PTPRS: variants seen among roughly 807,000 people sequenced by gnomAD.
The protein encoded by PTPRS is protein tyrosine phosphatase receptor type S, also known as receptor-type tyrosine-protein phosphatase S.
PTPRS carries 63 observed loss-of-function variants against 215.3 expected under a neutral mutation model. The observed-to-expected ratio is 0.29, with a 90% CI of 0.24 to 0.36. The LOEUF (loss-of-function observed/expected upper bound fraction) is 0.36, where lower values mean the gene tolerates loss of function less well. PTPRS is among the 10% of genes least tolerant of loss of function. PTPRS has a pLI of 1.00. For synonymous variants in PTPRS, 1,404 were observed against 1,191.4 expected (o/e 1.18, Z -3.68); for missense variants, 2,258 against 2,825.8 (o/e 0.80, Z 4.56).
In PTPRS at chr19:5,222,851, T is replaced by A. The variant is rs773355226; in HGVS notation, c.2941A>T (p.Thr981Ser). ...EAGALGPARE[T>S]ELPAAAEPGA... ...GGCTCAGCCGCTGCCGGCAGCTCAG[T>A]CTCTCGGGCAGGGCCCAGGGCACCG... is the stretch of plus-strand genomic sequence containing the variant. Residue 981 changes from threonine to serine, a missense_variant, in exon 18 of 38, where the codon ACT becomes TCT. Thr to Ser is a moderately conservative substitution (Grantham distance 58). Around this residue, in one of 6 missense-constraint regions of PTPRS, gnomAD observed 361 missense variants for 332.6 expected, o/e 1.09. Transcript: ENST00000262963. 3.1e-6 allele frequency: 5 copies of A among 1,592,470 alleles called. No homozygotes were observed. In the South Asian group the frequency reaches 5.5e-5, roughly 18 times the overall value.
chr19:5,252,574 CAAAA>C (rs56215560), intron 9 of PTPRS, among the ~76,000 whole-genome samples: 29 of 66,786 alleles, frequency 4.3e-4, no homozygotes, highest in Admixed American at 1.0e-3. Context: ...GAGATTCTGT[CAAAA>C]AAAAAAAAAA....
chr19:5,223,413 G>T, intron 17 of PTPRS, 116 bp from the exon 18 acceptor site: 1 of 1,263,140 alleles, frequency 7.9e-7, no homozygotes, highest in Non-Finnish European at 1.0e-6. Context: ...TTGAGTTGGG[G>T]GGGGTCTTAC....
In PTPRS at chr19:5,260,878, CG is replaced by C. The variant is rs2045941304; in HGVS notation, c.578-57del. The C allele has an allele frequency of 1.7e-5, 27 of 1,596,542 alleles. 1 individual carries two copies. In the Admixed American group the frequency reaches 2.7e-4, roughly 16 times the overall value. On this transcript the variant is annotated intron_variant, in intron 6 of 37. Transcript: ENST00000262963. ...TGTCACAAGGCGGTTGTTGGGGGGC[CG>C]GGGGGCCCCAGGGAAGCTGGGCTGG...
chr19:5,324,226 C>CAAAAAA (rs55793961), intron 1 of PTPRS, among the ~76,000 whole-genome samples: 2 of 73,848 alleles, frequency 2.7e-5, no homozygotes, highest in African/African-American at 5.1e-5. Flanking sequence ...AACCCTGCCT[C>CAAAAAA]AAAAAAAAAA....
intron 9 of PTPRS, among the ~76,000 whole-genome samples, chr19:5,251,511 T>A (rs920111563): frequency 1.3e-5 from 2 of 151,110 alleles, no homozygotes; most frequent in African/African-American, 4.9e-5. Context: ...ATCCATGGAC[T>A]TCCCTCACCA....
At position 5,211,975 on chromosome 19, in the gene PTPRS, A is replaced by C. The variant is rs1234917505; in HGVS notation, c.5045T>G (p.Leu1682Arg). The change falls in exon 32 of 38, where the codon CTC (leucine) becomes CGC (arginine). Residue 1682 changes from leucine to arginine, a missense_variant. Physicochemically the swap from Leu to Arg is moderately radical, Grantham distance 102 (BLOSUM62 -2). This residue lies in a region of PTPRS where 927 missense variants were observed against 1,125.9 expected (regional missense o/e 0.82). Transcript: ENST00000262963. ...CCACCCCGCTGGCACCTTGAACTCG[A>C]GTTCCATGCCAGTGACGTGTTCGCC... ...EPGEHVTGMELEFKRLANSKA... is the reference protein window; with the variant it reads ...EPGEHVTGMEREFKRLANSKA... The C allele has an allele frequency of 6.2e-7, 1 of 1,603,870 alleles. No homozygotes were observed. The highest frequency in any genetic ancestry group is 2.2e-5 in the East Asian group (1 of 44,462).
Position 5,215,485 on chromosome 19 carries a change from G to T in PTPRS, c.4194+13C>A. On this transcript the variant is annotated intron_variant, in intron 27 of 37. Transcript: ENST00000262963. Reference sequence around the variant, plus strand: ...GCCGAGGTGATGAGGGTGGGAGGCGGGGGTGGGCTCACCTCATACTCCTGG... The same window carrying T: ...GCCGAGGTGATGAGGGTGGGAGGCGTGGGTGGGCTCACCTCATACTCCTGG... The T allele has an allele frequency of 6.2e-7, 1 of 1,607,924 alleles. No individual in the cohort carries two copies.
At chr19:5,322,507 C>T (rs569131853) in intron 1 of PTPRS, among the ~76,000 whole-genome samples, 60 of 152,132 alleles carry the variant, frequency 3.9e-4, no homozygotes, top group African/African-American at 1.3e-3. Context: ...CCCGACTGGC[C>T]GACTCCCGGG....
chr19:5,244,607 CT>C lies in PTPRS; in HGVS notation c.989-126del. 8.4e-6 allele frequency: 6 copies of C among 717,636 alleles called. No individual in the cohort carries two copies. Among genetic ancestry groups the C allele is most frequent in the Non-Finnish European group, 1.4e-5 (6 of 437,084 alleles). 44.5% of individuals were successfully genotyped at this position (717,636 alleles called of 1,614,324 possible). A position where few individuals can be genotyped will look rare whatever the true frequency, so the allele number is the denominator to read the frequency against. ...GATTTGCCCAGCAGTAATCATGGGC[CT>C]CATGACTCCTGTCATCGTCTACAGC... On this transcript the variant is annotated intron_variant, in intron 10 of 37. Coordinates refer to ENST00000262963, the MANE Select transcript of PTPRS (RefSeq NM_002850.4). This position sits in a 1 kb window ranked among gnomAD's most constrained non-coding sequence, Gnocchi z 7.2.
At chr19:5,284,934 T>A (rs1190626634) in intron 2 of PTPRS, among the ~76,000 whole-genome samples, 1 of 151,634 alleles carries the variant, frequency 6.6e-6, no homozygotes, top group Non-Finnish European at 1.5e-5. Context: ...GGTGACAGAG[T>A]GAGACCCCAT....
rs1225775230 is a variant in PTPRS, at chr19:5,294,681, CT to C, written c.-94-8448del. 1 of 152,254 alleles carries C rather than the reference CT, an allele frequency of 6.6e-6. No individual in the cohort carries two copies. Among genetic ancestry groups the C allele is most frequent in the Non-Finnish European group, 1.5e-5 (1 of 68,070 alleles). The allele number at this position is 152,254 out of a possible 1,614,324, so 9.4% of individuals were successfully genotyped here. On this transcript the variant is annotated intron_variant, in intron 1 of 37. Coordinates refer to ENST00000262963, the MANE Select transcript of PTPRS (RefSeq NM_002850.4). This position sits in a 1 kb window ranked among gnomAD's most constrained non-coding sequence, Gnocchi z 5.1. ...GCCTCCCTCACTGGGGGATACCACACTGCCCCCTTCCCTTACCATGCCTCAG... is the reference window on the plus strand; with the variant it reads ...GCCTCCCTCACTGGGGGATACCACACGCCCCCTTCCCTTACCATGCCTCAG...
At chr19:5,297,626 G>A (rs897542860) in intron 1 of PTPRS, among the ~76,000 whole-genome samples, 1 of 152,148 alleles carries the variant, frequency 6.6e-6, no homozygotes, top group Non-Finnish European at 1.5e-5. Flanking sequence ...AAACTGGGGG[G>A]TCCCTGGGGG....
At chr19:5,326,698 GA>G (rs531112080) in intron 1 of PTPRS, among the ~76,000 whole-genome samples, 198 of 93,636 alleles carry the variant, frequency 2.1e-3, no homozygotes, top group Middle Eastern at 0.011. Context: ...GAAAAAGAAA[GA>G]AAAAAAAAAG....
chr19:5,209,855 A>G (rs1599346783), intron 35 of PTPRS, among the ~76,000 whole-genome samples: 1 of 152,136 alleles, frequency 6.6e-6, no homozygotes, highest in African/African-American at 2.4e-5. Flanking sequence ...AGCCTTCACC[A>G]TCCTTTGGCA....
rs1413601753 is a variant in PTPRS at position 5,206,057 on chromosome 19, AATT to A, written c.*714_*716del. On this transcript the variant is annotated 3_prime_UTR_variant, in exon 38 of 38. Coordinates refer to ENST00000262963, the MANE Select transcript of PTPRS (RefSeq NM_002850.4). ...AAGCACACTTTCTGATGGTAGGAAA[AATT>A]AAAAAAAAAAAAAAAAAAAAAAAAG... Among the ~76,000 whole-genome samples, 8 of 148,244 alleles carry A rather than the reference AATT, an allele frequency of 5.4e-5. No individual in the cohort carries two copies. Among genetic ancestry groups the A allele is most frequent in the African/African-American group, 2.0e-4 (8 of 39,516 alleles).
At chr19:5,230,276 G>C (rs890247398) in intron 14 of PTPRS, among the ~76,000 whole-genome samples, 22 of 152,182 alleles carry the variant, frequency 1.4e-4, no homozygotes, top group Admixed American at 6.5e-5. Context: ...CTCAGAAAAC[G>C]AATCAGGTTC....
At chr19:5,329,860 T>C (rs1238866390) in intron 1 of PTPRS, among the ~76,000 whole-genome samples, 1 of 151,922 alleles carries the variant, frequency 6.6e-6, no homozygotes, top group Non-Finnish European at 1.5e-5. Flanking sequence ...GTGGATCACC[T>C]GATCTCAGGA....
chr19:5,286,428 C>A, intron 1 of PTPRS, 194 bp from the exon 2 acceptor site: 1 of 436,400 alleles, frequency 2.3e-6, no homozygotes, highest in Non-Finnish European at 4.3e-6. Context: ...AGGTGTCTCC[C>A]CCACAAAAAA....
chr19:5,316,025 C>G (rs2049865936), intron 1 of PTPRS, among the ~76,000 whole-genome samples: 1 of 151,974 alleles, frequency 6.6e-6, no homozygotes, highest in Non-Finnish European at 1.5e-5. Context: ...CAAGCGATCC[C>G]TCCCACCTCA....
Sources: allele counts gnomAD v4.1 joint callset (sites outside exome capture counted in the v4.1 genomes callset), GRCh38; gene constraint gnomAD v4.1.1; regional missense constraint gnomAD v4.1.1; non-coding constraint Gnocchi (gnomAD v3.1); transcripts MANE v1.5; gene names NCBI Gene and HGNC (gene_info 2026-07-23, HGNC 2026-07-21).